ADAMTS18: variants seen among roughly 807,000 people sequenced by gnomAD.
ADAMTS18 encodes ADAM metallopeptidase with thrombospondin type 1 motif 18, also known as A disintegrin and metalloproteinase with thrombospondin motifs 18.
Under a neutral mutation model 165.9 loss-of-function variants are expected in ADAMTS18, and 157 were observed. That is an observed-to-expected ratio of 0.95 (90% CI 0.83 to 1.08). ADAMTS18 has a LOEUF of 1.08. Ranked by LOEUF, ADAMTS18 falls within the 50% of genes least tolerant of loss-of-function variation. The probability of loss-of-function intolerance (pLI) is 0.00; values close to 1 mark genes in which losing one functional copy is unlikely to be tolerated. For missense variants in ADAMTS18, 2,040 were observed against 1,534.0 expected (o/e 1.33, Z -5.51); for synonymous variants, 782 against 578.2 (o/e 1.35, Z -5.06).
intron 18 of ADAMTS18, among the ~76,000 whole-genome samples, chr16:77,296,691 G>A (rs2055479244): frequency 6.6e-6 from 1 of 152,108 alleles, no homozygotes; most frequent in Admixed American, 6.5e-5. Flanking sequence ...GTGGTGACGT[G>A]CACCTGTAAT....
chr16:77,399,046 G>A (rs2057294164), intron 3 of ADAMTS18, among the ~76,000 whole-genome samples: 1 of 152,166 alleles, frequency 6.6e-6, no homozygotes, highest in Admixed American at 6.5e-5. Flanking sequence ...TTTTCTTGCA[G>A]GCCAAAAGGA....
chr16:77,310,842 G>A (rs2055766579), intron 16 of ADAMTS18, among the ~76,000 whole-genome samples: 1 of 151,922 alleles, frequency 6.6e-6, no homozygotes, highest in Non-Finnish European at 1.5e-5. Context: ...TTCCCAGGCT[G>A]GTCTCAAACA....
chr16:77,402,135 G>A (rs2057339788), intron 3 of ADAMTS18, among the ~76,000 whole-genome samples: 1 of 152,182 alleles, frequency 6.6e-6, no homozygotes, highest in African/African-American at 2.4e-5. Flanking sequence ...TATGGGTTCT[G>A]TTTTTCTACG....
At chr16:77,397,669 C>T (rs1156617541) in intron 3 of ADAMTS18, among the ~76,000 whole-genome samples, 1 of 152,228 alleles carries the variant, frequency 6.6e-6, no homozygotes. Context: ...AGGATGATTG[C>T]AAACTGGTAG....
chr16:77,380,997 C>A lies in ADAMTS18; in HGVS notation c.496-13274G>T, dbSNP rs117215051. Among the ~76,000 whole-genome samples, 947 of 152,266 alleles carry A rather than the reference C, an allele frequency of 6.2e-3. 3 individuals carry two copies. The highest frequency in any genetic ancestry group is 0.01 in the Middle Eastern group (3 of 294). On this transcript the variant is annotated intron_variant, in intron 3 of 22. Transcript: ENST00000282849. Reference sequence around the variant, plus strand: ...CAAGCAACCCTCCCTGCCTCCGCCTCCGGAGTAGCTGGGATTACAAGTGCT... The same window carrying A: ...CAAGCAACCCTCCCTGCCTCCGCCTACGGAGTAGCTGGGATTACAAGTGCT...
At position 77,319,772 on chromosome 16, in the gene ADAMTS18, A is replaced by C. The variant is rs1208240507; in HGVS notation, c.2532+77T>G. On this transcript the variant is annotated intron_variant, in intron 16 of 22. Transcript: ENST00000282849. Reference sequence around the variant, plus strand: ...AACACCTTTGAACTAGAAGGACTGGAGTTCTGGCTCAAATTGCAGTCAACG... The same window carrying C: ...AACACCTTTGAACTAGAAGGACTGGCGTTCTGGCTCAAATTGCAGTCAACG... 38 of 1,606,366 alleles carry C rather than the reference A, an allele frequency of 2.4e-5. 1 individual carries two copies. In the Admixed American group the frequency reaches 4.5e-4, roughly 19 times the overall value.
chr16:77,307,374 G>T (rs1052930993), intron 16 of ADAMTS18, among the ~76,000 whole-genome samples: 2 of 152,162 alleles, frequency 1.3e-5, no homozygotes, highest in African/African-American at 4.8e-5. Flanking sequence ...TTGCTATTAT[G>T]TGTGAGTGAT....
At chr16:77,307,784 T>C (rs909299783) in intron 16 of ADAMTS18, among the ~76,000 whole-genome samples, 1 of 152,100 alleles carries the variant, frequency 6.6e-6, no homozygotes, top group Non-Finnish European at 1.5e-5. Context: ...CTTACACTGA[T>C]TGTATCTTGA....
rs1311259995 is a variant in ADAMTS18 at position 77,434,523 on chromosome 16, A to G, written c.91-18T>C. ...TGGAGCGCCTGCAAGAGAAAAGGTGACATCGCGCGTGAGGGGCGCGGCGGG... is the reference window on the plus strand; with the variant it reads ...TGGAGCGCCTGCAAGAGAAAAGGTGGCATCGCGCGTGAGGGGCGCGGCGGG... On this transcript the variant is annotated intron_variant, in intron 1 of 22. Transcript: ENST00000282849. 5.2e-6 allele frequency: 8 copies of G among 1,546,764 alleles called. No homozygotes were observed. The East Asian group carries it at 1.9e-4, about 37-fold the overall frequency.
intron 3 of ADAMTS18, among the ~76,000 whole-genome samples, chr16:77,420,966 T>C (rs564971360): frequency 6.6e-6 from 1 of 152,318 alleles, no homozygotes; most frequent in African/African-American, 2.4e-5. Context: ...CAGAACTCGG[T>C]AAATCAGCAG....
At chr16:77,307,570 C>T (rs931152323) in intron 16 of ADAMTS18, among the ~76,000 whole-genome samples, 2 of 152,168 alleles carry the variant, frequency 1.3e-5, no homozygotes, top group Admixed American at 1.3e-4. Flanking sequence ...AAAGTATTTG[C>T]CATGAATTAA....
intron 3 of ADAMTS18, among the ~76,000 whole-genome samples, chr16:77,428,154 T>C (rs535833784): frequency 6.6e-6 from 1 of 152,212 alleles, no homozygotes; most frequent in African/African-American, 2.4e-5. Flanking sequence ...ATATATAAAC[T>C]TCAGGTGAAA....
intron 17 of ADAMTS18, among the ~76,000 whole-genome samples, chr16:77,299,880 A>C (rs765405097): frequency 2.6e-5 from 4 of 152,114 alleles, no homozygotes; most frequent in Non-Finnish European, 4.4e-5. Context: ...CCTAGCTTTT[A>C]TAACTTCCAA....
chr16:77,322,530 G>A lies in ADAMTS18; in HGVS notation c.2033-64C>T. ...GAAACTAAGGAAAAATGATAGGATT[G>A]TCAAAAGAATGAATTAAATTTACTT... is the stretch of plus-strand genomic sequence containing the variant. On this transcript the variant is annotated intron_variant, in intron 13 of 22. Transcript: ENST00000282849. The A allele has an allele frequency of 5.1e-6, 8 of 1,572,448 alleles. No individual in the cohort carries two copies. The South Asian group carries it at 7.8e-5, about 15-fold the overall frequency.
intron 16 of ADAMTS18, among the ~76,000 whole-genome samples, chr16:77,308,045 A>G (rs557135739): frequency 1.3e-5 from 2 of 152,034 alleles, no homozygotes; most frequent in African/African-American, 2.4e-5. Flanking sequence ...TGGTTAACCT[A>G]TTTCTCACTT....
intron 3 of ADAMTS18, among the ~76,000 whole-genome samples, chr16:77,410,391 G>A (rs1205326905): frequency 6.6e-6 from 1 of 151,944 alleles, no homozygotes; most frequent in East Asian, 1.9e-4. Context: ...AAAATTTGGT[G>A]AGCATGAGGA....
chr16:77,298,864 C>T (rs187708157), intron 17 of ADAMTS18, among the ~76,000 whole-genome samples: 110 of 152,326 alleles, frequency 7.2e-4, no homozygotes, highest in Non-Finnish European at 1.3e-3. Context: ...ACTTATTCAT[C>T]TGAATTCTTT....
At position 77,325,918 on chromosome 16, in the gene ADAMTS18, G is replaced by T; in HGVS notation, c.1980C>A (p.Ser660Arg). 6.2e-7 allele frequency: 1 copy of T among 1,614,024 alleles called. No individual in the cohort carries two copies. Among genetic ancestry groups the T allele is most frequent in the African/African-American group, 1.3e-5 (1 of 75,018 alleles). ...GGTAGAACCATCCACGGAAAGGTTT[G>T]CTGTTATATTCTGCACACTGTTGAG... ...FRAQQCAEYN[S>R]KPFRGWFYQW... Residue 660 changes from serine (S) to arginine (R), a missense_variant, in exon 13 of 23, where the codon AGC (serine) becomes AGA (arginine). Coordinates refer to ENST00000282849, the MANE Select transcript of ADAMTS18 (RefSeq NM_199355.4).
chr16:77,410,091 A>C (rs1363469990), intron 3 of ADAMTS18, among the ~76,000 whole-genome samples: 1 of 152,128 alleles, frequency 6.6e-6, no homozygotes, highest in Non-Finnish European at 1.5e-5. Flanking sequence ...ATTACCACAC[A>C]CACCCACACA....
Sources: allele counts gnomAD v4.1 joint callset (sites outside exome capture counted in the v4.1 genomes callset), GRCh38; gene constraint gnomAD v4.1.1; transcripts MANE v1.5; gene names NCBI Gene and HGNC (gene_info 2026-07-23, HGNC 2026-07-21).